WDR70: variants seen among roughly 807,000 people sequenced by gnomAD.
WDR70 encodes the protein WD repeat domain 70, also known as WD repeat-containing protein 70.
A neutral mutation model predicts 88.6 loss-of-function variants in WDR70; 53 were observed. The ratio of observed to expected loss-of-function variants is 0.60; its 90% CI spans 0.48 to 0.75. The LOEUF (loss-of-function observed/expected upper bound fraction) is 0.75. WDR70 is among the 30% of genes least tolerant of loss of function. WDR70 has a pLI of 0.00. For missense variants in WDR70, 610 were observed against 823.2 expected, an observed-to-expected ratio of 0.74 and a Z score of 3.17; for synonymous variants, 280 against 270.0, an observed-to-expected ratio of 1.04 and a Z score of -0.36.
intron 10 of WDR70, among the ~76,000 whole-genome samples, chr5:37,643,874 T>C (rs1251921346): frequency 2.0e-5 from 3 of 152,048 alleles, no homozygotes; most frequent in African/African-American, 7.2e-5. Flanking sequence ...TCAGCTCTAA[T>C]AGGTTTTTGA....
chr5:37,697,708 T>A lies in WDR70; in HGVS notation c.1146T>A (p.Ser382=). The A allele has an allele frequency of 6.2e-7, 1 of 1,613,848 alleles. No homozygotes were observed. Among genetic ancestry groups the A allele is most frequent in the Non-Finnish European group, 8.5e-7 (1 of 1,179,776 alleles). ...KQAHDSGTDT[S]CVTFSYDGNV... ...CTCATGACTCGGGCACAGACACTTCTTGCGTGACTTTTTCCTATGATGGTA... is the reference window on the plus strand; with the variant it reads ...CTCATGACTCGGGCACAGACACTTCATGCGTGACTTTTTCCTATGATGGTA... The change falls in exon 11 of 18, where the codon TCT becomes TCA. Residue 382 remains serine (S), a synonymous_variant. Transcript: ENST00000265107.
intron 9 of WDR70, among the ~76,000 whole-genome samples, chr5:37,569,386 A>T (rs1460632616): frequency 1.3e-5 from 2 of 152,128 alleles, no homozygotes; most frequent in African/African-American, 4.8e-5. Flanking sequence ...CAAACACAAA[A>T]ATAATTTATT....
chr5:37,651,854 A>G lies in WDR70; in HGVS notation c.1093-45801A>G, dbSNP rs189700202. ...TTTAAGTTCCTTGTAGATTCTGGATATTAGCCCTTTGTCAGATGGATAGAT... is the reference window on the plus strand; with the variant it reads ...TTTAAGTTCCTTGTAGATTCTGGATGTTAGCCCTTTGTCAGATGGATAGAT... On this transcript the variant is annotated intron_variant, in intron 10 of 17. Coordinates refer to ENST00000265107, the MANE Select transcript of WDR70 (RefSeq NM_018034.4). 4.1e-4 allele frequency among the ~76,000 whole-genome samples: 62 copies of G among 152,258 alleles called. 1 individual carries two copies. In the East Asian group the frequency reaches 0.012, roughly 29 times the overall value.
chr5:37,466,439 G>T (rs1739150860), intron 7 of WDR70, among the ~76,000 whole-genome samples: 1 of 152,168 alleles, frequency 6.6e-6, no homozygotes, highest in African/African-American at 2.4e-5. Context: ...GGGCGTGGTG[G>T]CTCACACCTG....
chr5:37,544,902 T>C (rs1741940192), intron 9 of WDR70, among the ~76,000 whole-genome samples: 1 of 152,180 alleles, frequency 6.6e-6, no homozygotes, highest in African/African-American at 2.4e-5. Flanking sequence ...GTCAATATAA[T>C]TATAAAATTC....
At chr5:37,487,663 G>A (rs577284618) in intron 8 of WDR70, among the ~76,000 whole-genome samples, 1 of 124,704 alleles carries the variant, frequency 8.0e-6, no homozygotes, top group South Asian at 2.4e-4. Flanking sequence ...GTCTGGTTCT[G>A]TCACCAGGCT....
At chr5:37,671,107 G>C (rs1190865050) in intron 10 of WDR70, among the ~76,000 whole-genome samples, 1 of 152,104 alleles carries the variant, frequency 6.6e-6, no homozygotes, top group Admixed American at 6.5e-5. Context: ...TGAAAACATA[G>C]AATTATTGGA....
At chr5:37,506,253 C>T (rs553967203) in intron 8 of WDR70, 69 of 930,676 alleles carry the variant, frequency 7.4e-5, no homozygotes, top group Admixed American at 1.5e-4. Flanking sequence ...AAATTCCTTT[C>T]GAGATATTGG....
intron 10 of WDR70, among the ~76,000 whole-genome samples, chr5:37,680,285 A>T (rs1746387368): frequency 6.6e-6 from 1 of 151,886 alleles, no homozygotes; most frequent in Non-Finnish European, 1.5e-5. Flanking sequence ...TTTCTTATAG[A>T]TGCTAGATAT....
chr5:37,544,508 T>C lies in WDR70; in HGVS notation c.917+27918T>C, dbSNP rs375704905. ...TTATAAATATTTTAAAATTTGGTTA[T>C]AGCTTCTAAAGATGAATTATAAAAT... is the stretch of plus-strand genomic sequence containing the variant. On this transcript the variant is annotated intron_variant, in intron 9 of 17. Coordinates refer to ENST00000265107, the MANE Select transcript of WDR70 (RefSeq NM_018034.4). Among the ~76,000 whole-genome samples the C allele has an allele frequency of 7.8e-4, 119 of 152,334 alleles. 1 individual carries two copies. The South Asian group carries it at 0.024, about 31-fold the overall frequency.
intron 5 of WDR70, among the ~76,000 whole-genome samples, chr5:37,427,601 C>G (rs1206323865): frequency 6.6e-6 from 1 of 152,158 alleles, no homozygotes; most frequent in East Asian, 1.9e-4. Context: ...CCCAGCTGGG[C>G]ATGGTGGCTC....
intron 7 of WDR70, among the ~76,000 whole-genome samples, chr5:37,449,613 A>AT (rs1414696833): frequency 2.2e-5 from 2 of 90,402 alleles, no homozygotes; most frequent in African/African-American, 7.4e-5. Context: ...ATAAAAAATA[A>AT]AAAATAAATA....
intron 10 of WDR70, among the ~76,000 whole-genome samples, chr5:37,642,231 G>C (rs527420508): frequency 7.8e-4 from 119 of 151,970 alleles, no homozygotes; most frequent in Non-Finnish European, 1.4e-3. Flanking sequence ...CTGCTCTTCT[G>C]CTCCCTTCTA....
chr5:37,735,122 C>G (rs1348072238), intron 17 of WDR70, among the ~76,000 whole-genome samples: 1 of 152,092 alleles, frequency 6.6e-6, no homozygotes, highest in East Asian at 1.9e-4. Flanking sequence ...TTTCCATCCC[C>G]TCCTGGCAAA....
At chr5:37,693,631 G>A (rs980576251) in intron 10 of WDR70, among the ~76,000 whole-genome samples, 1 of 152,182 alleles carries the variant, frequency 6.6e-6, no homozygotes, top group Non-Finnish European at 1.5e-5. Flanking sequence ...AATAAATGGT[G>A]CTGGGAAAAC....
At chr5:37,730,507 C>T (rs1281677890) in intron 17 of WDR70, among the ~76,000 whole-genome samples, 6 of 152,092 alleles carry the variant, frequency 3.9e-5, no homozygotes, top group African/African-American at 1.4e-4. Context: ...AATCACTCTA[C>T]ATCAGTTCTT....
At chr5:37,669,400 T>TA (rs68145326) in intron 10 of WDR70, among the ~76,000 whole-genome samples, 40 of 149,096 alleles carry the variant, frequency 2.7e-4, no homozygotes, top group Non-Finnish European at 4.3e-4. Flanking sequence ...ATCTTTTTTT[T>TA]AAAAAAAAAA....
intron 12 of WDR70, among the ~76,000 whole-genome samples, chr5:37,702,144 G>C (rs1341190783): frequency 6.6e-6 from 1 of 152,200 alleles, no homozygotes; most frequent in African/African-American, 2.4e-5. Context: ...CTGTATGAAA[G>C]CTGTATGATA....
At chr5:37,729,116 G>T (rs538340145) in intron 17 of WDR70, among the ~76,000 whole-genome samples, 1 of 152,168 alleles carries the variant, frequency 6.6e-6, no homozygotes, top group African/African-American at 2.4e-5. Context: ...TTTCTCAAGC[G>T]CCTATATATT....
Sources: gnomAD v4.1 joint callset for allele counts (sites outside exome capture counted in the v4.1 genomes callset) on GRCh38, gnomAD v4.1.1 for gene constraint, MANE v1.5 for transcripts, NCBI Gene and HGNC (gene_info 2026-07-23, HGNC 2026-07-21) for gene names.